INTU: variants seen among roughly 807,000 people sequenced by gnomAD.
The protein encoded by INTU is protein inturned.
A neutral mutation model predicts 100.5 loss-of-function variants in INTU; 68 were observed. The observed-to-expected ratio is 0.68, with a 90% CI of 0.56 to 0.83. The LOEUF is 0.83. Ranked by LOEUF, INTU falls within the 40% of genes least tolerant of loss-of-function variation. The pLI, the probability that INTU is intolerant of heterozygous loss-of-function variation, is 0.00. For synonymous variants in INTU, 357 were observed against 395.7 expected, an observed-to-expected ratio of 0.90 and a Z score of 1.16; for missense variants, 1,071 against 1,114.7, an observed-to-expected ratio of 0.96 and a Z score of 0.56.
At chr4:127,642,781 T>C (rs1172515425) in intron 1 of INTU, among the ~76,000 whole-genome samples, 2 of 152,150 alleles carry the variant, frequency 1.3e-5, no homozygotes, top group Non-Finnish European at 2.9e-5. Flanking sequence ...ATTTTGTTTT[T>C]TTTTTCAGTG....
chr4:127,682,958 A>G (rs993524864), intron 6 of INTU, among the ~76,000 whole-genome samples: 4 of 152,044 alleles, frequency 2.6e-5, no homozygotes, highest in Non-Finnish European at 5.9e-5. Flanking sequence ...GAGAGAGGAA[A>G]GGCAGACCTG....
At chr4:127,655,659 G>T (rs1355884696) in intron 2 of INTU, among the ~76,000 whole-genome samples, 1 of 150,960 alleles carries the variant, frequency 6.6e-6, no homozygotes, top group African/African-American at 2.4e-5. Context: ...GTCTGCAGAG[G>T]TTACTGCTGT....
At chr4:127,680,843 C>G (rs942451380) in intron 6 of INTU, among the ~76,000 whole-genome samples, 4 of 151,786 alleles carry the variant, frequency 2.6e-5, no homozygotes, top group African/African-American at 7.3e-5. Flanking sequence ...AATTGTATAT[C>G]TAGAAAACCC....
chr4:127,647,984 A>G (rs1727666247), intron 2 of INTU, among the ~76,000 whole-genome samples: 2 of 152,150 alleles, frequency 1.3e-5, no homozygotes, highest in Admixed American at 1.3e-4. Context: ...ATACTGAGAA[A>G]TTGATGGCTT....
intron 9 of INTU, among the ~76,000 whole-genome samples, chr4:127,701,039 CA>C (rs1730625313): frequency 6.6e-6 from 1 of 152,050 alleles, no homozygotes; most frequent in South Asian, 2.1e-4. Flanking sequence ...CAATGGTCAT[CA>C]ATAGCTATTA....
chr4:127,680,979 T>C (rs1016769213), intron 6 of INTU, among the ~76,000 whole-genome samples: 2 of 151,856 alleles, frequency 1.3e-5, no homozygotes, highest in Admixed American at 1.3e-4. Context: ...GAGAGCCAAA[T>C]CATGAGTGAA....
intron 6 of INTU, among the ~76,000 whole-genome samples, chr4:127,678,920 A>G (rs1014309948): frequency 1.8e-4 from 27 of 152,014 alleles, no homozygotes; most frequent in Non-Finnish European, 3.7e-4. Context: ...TACCAAGCAA[A>G]TGGAAAACAA....
At chr4:127,653,642 C>G (rs200306544) in intron 2 of INTU, among the ~76,000 whole-genome samples, 6,049 of 145,770 alleles carry the variant, frequency 0.041, 289 homozygotes, top group East Asian at 0.27. Context: ...TTACTTCCAA[C>G]TATGTGGTCA....
At chr4:127,653,471 C>T (rs1378153682) in intron 2 of INTU, among the ~76,000 whole-genome samples, 4 of 146,354 alleles carry the variant, frequency 2.7e-5, no homozygotes, top group African/African-American at 5.1e-5. Context: ...GCCTTCATTT[C>T]GTTATGTATC....
chr4:127,643,624 A>T lies in INTU; in HGVS notation c.250A>T (p.Thr84Ser). The T allele has an allele frequency of 6.2e-7, 1 of 1,613,778 alleles. No individual in the cohort carries two copies. Among genetic ancestry groups the T allele is most frequent in the South Asian group, 1.1e-5 (1 of 91,040 alleles). ...EEESLLPETP[T>S]VNHVRFSENE... Reference sequence around the variant, plus strand: ...AGAAAGCCTCCTTCCTGAGACACCAACTGTGAACCATGTCAGGTTCAGTGA... The same window carrying T: ...AGAAAGCCTCCTTCCTGAGACACCATCTGTGAACCATGTCAGGTTCAGTGA... The change falls in exon 2 of 16, where the codon ACT (threonine) becomes TCT (serine). Residue 84 changes from threonine to serine, a missense_variant. Physicochemically the swap from Thr to Ser is moderately conservative, Grantham distance 58. Transcript: ENST00000335251.
chr4:127,678,514 G>A (rs1043356414), intron 6 of INTU, among the ~76,000 whole-genome samples: 27 of 152,072 alleles, frequency 1.8e-4, no homozygotes, highest in Admixed American at 2.6e-4. Context: ...CTTCATAAGT[G>A]AAGGAGAAAT....
At chr4:127,679,811 A>G (rs1440745276) in intron 6 of INTU, among the ~76,000 whole-genome samples, 1 of 152,064 alleles carries the variant, frequency 6.6e-6, no homozygotes, top group African/African-American at 2.4e-5. Flanking sequence ...TAATGAATCC[A>G]GGAGCTGGTT....
chr4:127,694,089 A>G (rs1730274361), intron 8 of INTU, among the ~76,000 whole-genome samples: 4 of 152,048 alleles, frequency 2.6e-5, no homozygotes, highest in Admixed American at 2.0e-4. Flanking sequence ...GCTTCATACA[A>G]TGGTTTAGGA....
At position 127,691,962 on chromosome 4, in the gene INTU, GTATA is replaced by G. The variant is rs1553982611; in HGVS notation, c.1449+4111_1449+4114del. On this transcript the variant is annotated intron_variant, in intron 8 of 15. Transcript: ENST00000335251. Reference sequence around the variant, plus strand: ...GGCGGAGTATAGTGTTCCATGGTATGTATATATATATATATATATGTCACATTTT... The same window carrying G: ...GGCGGAGTATAGTGTTCCATGGTATGTATATATATATATATGTCACATTTT... Among the ~76,000 whole-genome samples, 69 of 98,242 alleles carry G rather than the reference GTATA, an allele frequency of 7.0e-4. 7 individuals are homozygous for G. The highest frequency in any genetic ancestry group is 9.4e-4 in the Non-Finnish European group (44 of 46,622). The allele number at this position is 98,242 out of a possible 152,430, so 64.5% of individuals were successfully genotyped here.
intron 2 of INTU, among the ~76,000 whole-genome samples, chr4:127,646,068 C>T (rs1727571411): frequency 6.6e-6 from 1 of 151,656 alleles, no homozygotes; most frequent in Admixed American, 6.6e-5. Context: ...CCTGTAATCT[C>T]AGCTGCTGGG....
In INTU at chr4:127,699,920, GTAAT is replaced by G. The variant is rs1730570386; in HGVS notation, c.1450-86_1450-83del. The G allele has an allele frequency of 3.7e-6, 3 of 815,276 alleles. No homozygotes were observed. The African/African-American group carries it at 5.3e-5, about 14-fold the overall frequency. The allele number at this position is 815,276 out of a possible 1,614,324, so 50.5% of individuals were successfully genotyped here. ...AGAAAGATACTCAATTTTTCAAGTAGTAATTAAGCACTTTTTATATGGCCATTAC... is the reference window on the plus strand; with the variant it reads ...AGAAAGATACTCAATTTTTCAAGTAGTAAGCACTTTTTATATGGCCATTAC... On this transcript the variant is annotated intron_variant, in intron 8 of 15. Transcript: ENST00000335251.
At chr4:127,697,165 T>G (rs1730429180) in intron 8 of INTU, among the ~76,000 whole-genome samples, 1 of 152,220 alleles carries the variant, frequency 6.6e-6, no homozygotes, top group African/African-American at 2.4e-5. Context: ...TTTTCCCATT[T>G]AAAATGTGCA....
chr4:127,687,603 A>C, intron 7 of INTU, 75 bp from the exon 8 acceptor site: 1 of 1,142,072 alleles, frequency 8.8e-7, no homozygotes, highest in Non-Finnish European at 1.3e-6. Context: ...GGAAAGATCC[A>C]GTTCCCTTAG....
chr4:127,658,687 T>G (rs899042367), intron 3 of INTU, among the ~76,000 whole-genome samples: 1 of 152,170 alleles, frequency 6.6e-6, no homozygotes, highest in Admixed American at 6.5e-5. Flanking sequence ...AGAATCACAT[T>G]ATACTTATAT....
Sources: allele counts gnomAD v4.1 joint callset (sites outside exome capture counted in the v4.1 genomes callset), GRCh38; gene constraint gnomAD v4.1.1; transcripts MANE v1.5; gene names NCBI Gene and HGNC (gene_info 2026-07-23, HGNC 2026-07-21).